Variants in RAB6B observed in about 807,000 individuals in gnomAD.
The protein encoded by RAB6B is RAB6B, member RAS oncogene family.
A neutral mutation model predicts 31.2 loss-of-function variants in RAB6B; 7 were observed. That is an observed-to-expected ratio of 0.22 (90% CI 0.13 to 0.42). The LOEUF (loss-of-function observed/expected upper bound fraction) is 0.42. RAB6B is among the 10% of genes least tolerant of loss of function. The probability of loss-of-function intolerance (pLI) is 1.00; values close to 1 mark genes in which losing one functional copy is unlikely to be tolerated. For synonymous variants in RAB6B, 105 were observed against 104.9 expected (o/e 1.00, Z -0.01); for missense variants, 149 against 280.6 (o/e 0.53, Z 3.35).
chr3:133,871,640 C>T (rs1249739145), intron 1 of RAB6B, among the ~76,000 whole-genome samples: 1 of 152,250 alleles, frequency 6.6e-6, no homozygotes, highest in African/African-American at 2.4e-5. Context: ...CGAAGGACAG[C>T]TCTTCTCCCT....
rs747045982 is a variant in RAB6B, at chr3:133,841,408, G to A, written c.184-18C>T. The A allele has an allele frequency of 9.9e-6, 16 of 1,613,610 alleles. No individual in the cohort carries two copies. Among genetic ancestry groups the A allele is most frequent in the Non-Finnish European group, 1.4e-5 (16 of 1,179,606 alleles). ...AGTCGCACCTGTCTCAGGGAGGGCAGGACCATGGGCAGAGGGGTCAGTGGG... is the reference window on the plus strand; with the variant it reads ...AGTCGCACCTGTCTCAGGGAGGGCAAGACCATGGGCAGAGGGGTCAGTGGG... On this transcript the variant is annotated intron_variant, in intron 3 of 7. Coordinates refer to ENST00000285208, the MANE Select transcript of RAB6B (RefSeq NM_016577.4).
chr3:133,837,469 G>A (rs1400067876), intron 6 of RAB6B, among the ~76,000 whole-genome samples: 1 of 152,184 alleles, frequency 6.6e-6, no homozygotes, highest in Non-Finnish European at 1.5e-5. Flanking sequence ...TGGTGGTAAA[G>A]CCATAGGCAC....
chr3:133,889,391 TATATATATATATATATATA>T (rs1936599542), intron 1 of RAB6B, among the ~76,000 whole-genome samples: 879 of 34,022 alleles, frequency 0.026, 60 homozygotes, highest in African/African-American at 0.075. Flanking sequence ...TATTTTGTTA[TATATATATATATATATATA>T]TATATATATA....
intron 2 of RAB6B, among the ~76,000 whole-genome samples, chr3:133,863,037 G>T (rs1370910708): frequency 2.0e-5 from 3 of 152,176 alleles, no homozygotes; most frequent in African/African-American, 7.2e-5. Context: ...CGATCCAGTA[G>T]AACTCCCCTC....
chr3:133,879,777 A>C (rs1936441891), intron 1 of RAB6B, among the ~76,000 whole-genome samples: 1 of 152,172 alleles, frequency 6.6e-6, no homozygotes, highest in East Asian at 1.9e-4. Flanking sequence ...TCTCACATAC[A>C]CTTGGCAGCT....
intron 1 of RAB6B, among the ~76,000 whole-genome samples, chr3:133,868,427 T>C (rs564827798): frequency 6.6e-6 from 1 of 152,326 alleles, no homozygotes; most frequent in South Asian, 2.1e-4. Flanking sequence ...GCTCCTCCTG[T>C]GTCCCCCTGC....
intron 1 of RAB6B, among the ~76,000 whole-genome samples, chr3:133,885,914 T>C (rs2108015017): frequency 1.3e-5 from 2 of 152,328 alleles, no homozygotes; most frequent in South Asian, 4.1e-4. Context: ...TGTTCTGACC[T>C]AGTTCAGCCA....
At chr3:133,844,590 T>A (rs1174124631) in intron 2 of RAB6B, among the ~76,000 whole-genome samples, 1 of 152,210 alleles carries the variant, frequency 6.6e-6, no homozygotes. Context: ...AAAACTATTT[T>A]AATATCTGGA....
chr3:133,841,050 T>C (rs1232322583), intron 4 of RAB6B, among the ~76,000 whole-genome samples: 1 of 152,156 alleles, frequency 6.6e-6, no homozygotes, highest in Non-Finnish European at 1.5e-5. Flanking sequence ...AGGACCAACC[T>C]GGCCCTATAA....
chr3:133,888,643 A>G (rs1360553836), intron 1 of RAB6B, among the ~76,000 whole-genome samples: 1 of 152,250 alleles, frequency 6.6e-6, no homozygotes, highest in Non-Finnish European at 1.5e-5. Context: ...TCACTTTATT[A>G]AAATGCTAAA....
chr3:133,868,836 T>G (rs1213305144), intron 1 of RAB6B, among the ~76,000 whole-genome samples: 1 of 152,114 alleles, frequency 6.6e-6, no homozygotes, highest in Non-Finnish European at 1.5e-5. Flanking sequence ...AGATGAGAAT[T>G]TGGCACTTTA....
chr3:133,830,468 C>T (rs2107984896), intron 7 of RAB6B, among the ~76,000 whole-genome samples: 1 of 152,340 alleles, frequency 6.6e-6, no homozygotes, highest in Admixed American at 6.5e-5. Flanking sequence ...ATTTTCCCTG[C>T]TTTAAACACG....
rs771214822 is a variant in RAB6B, at chr3:133,826,757, C to G, written c.*2031G>C. 6 of 152,620 alleles carry G rather than the reference C, an allele frequency of 3.9e-5. No individual in the cohort carries two copies. Among genetic ancestry groups the G allele is most frequent in the Non-Finnish European group, 7.3e-5 (5 of 68,040 alleles). The allele number at this position is 152,620 out of a possible 1,614,324, so 9.5% of individuals were successfully genotyped here. On this transcript the variant is annotated 3_prime_UTR_variant, in exon 8 of 8. Coordinates refer to ENST00000285208, the MANE Select transcript of RAB6B (RefSeq NM_016577.4). Reference sequence around the variant, plus strand: ...TATTTTATTGATGGCAAGACAATCACAAGTTATTTGACAATATTAAGTATT... The same window carrying G: ...TATTTTATTGATGGCAAGACAATCAGAAGTTATTTGACAATATTAAGTATT...
rs60410984 is a variant in RAB6B at position 133,889,403 on chromosome 3, TA to T, written c.70+5993del. Among the ~76,000 whole-genome samples, 5 of 27,628 alleles carry T rather than the reference TA, an allele frequency of 1.8e-4. No individual in the cohort carries two copies. The South Asian group carries it at 4.1e-3, about 23-fold the overall frequency. The allele number at this position is 27,628 out of a possible 152,430, so 18.1% of individuals were successfully genotyped here. A position where few individuals can be genotyped will look rare whatever the true frequency, so the allele number is the denominator to read the frequency against. On this transcript the variant is annotated intron_variant, in intron 1 of 7. Coordinates refer to ENST00000285208, the MANE Select transcript of RAB6B (RefSeq NM_016577.4). ...GGTTATTTTGTTATATATATATATA[TA>T]TATATATATATATATATATATATAT...
intron 1 of RAB6B, among the ~76,000 whole-genome samples, chr3:133,870,046 ATGTTAG>A (rs1406481868): frequency 6.6e-6 from 1 of 152,206 alleles, no homozygotes; most frequent in Non-Finnish European, 1.5e-5. Flanking sequence ...AAAAGAAAAC[ATGTTAG>A]TCCATTCTCA....
At chr3:133,887,369 A>AG (rs1559914827) in intron 1 of RAB6B, among the ~76,000 whole-genome samples, 1 of 152,148 alleles carries the variant, frequency 6.6e-6, no homozygotes, top group East Asian at 1.9e-4. Flanking sequence ...ACTCAGGTGT[A>AG]GGGGGCCAGG....
intron 1 of RAB6B, among the ~76,000 whole-genome samples, chr3:133,875,901 G>A (rs549188877): frequency 6.6e-6 from 1 of 152,192 alleles, no homozygotes; most frequent in Non-Finnish European, 1.5e-5. Context: ...AGAACCGAAC[G>A]CACTCGTGTG....
At chr3:133,846,007 G>C (rs958335548) in intron 2 of RAB6B, among the ~76,000 whole-genome samples, 1 of 152,168 alleles carries the variant, frequency 6.6e-6, no homozygotes, top group African/African-American at 2.4e-5. Flanking sequence ...AATAACAGTA[G>C]CTAGGACACT....
intron 1 of RAB6B, among the ~76,000 whole-genome samples, chr3:133,873,209 C>T (rs560126822): frequency 6.6e-6 from 1 of 152,314 alleles, no homozygotes; most frequent in African/African-American, 2.4e-5. Flanking sequence ...ATAAAGGTCC[C>T]TTGTCATCAC....
Sources: allele counts gnomAD v4.1 joint callset (sites outside exome capture counted in the v4.1 genomes callset), GRCh38; gene constraint gnomAD v4.1.1; transcripts MANE v1.5; gene names NCBI Gene and HGNC (gene_info 2026-07-23, HGNC 2026-07-21).